MED13: variants seen among roughly 807,000 people sequenced by gnomAD.
MED13 encodes mediator of RNA polymerase II transcription subunit 13.
Under a neutral mutation model 225.2 loss-of-function variants are expected in MED13, and 23 were observed. The ratio of observed to expected loss-of-function variants is 0.10; its 90% CI spans 0.07 to 0.14. The LOEUF is 0.14. Among genes scored for constraint, MED13 ranks in the 10% least tolerant of loss-of-function variants. The probability of loss-of-function intolerance (pLI) is 1.00; values close to 1 mark genes in which losing one functional copy is unlikely to be tolerated. For missense variants in MED13, 2,197 were observed against 2,594.5 expected (o/e 0.85, Z 3.33); for synonymous variants, 942 against 889.2 (o/e 1.06, Z -1.06).
chr17:61,961,859 AC>A, intron 21 of MED13, 80 bp from the exon 22 acceptor site: 1 of 1,298,534 alleles, frequency 7.7e-7, no homozygotes, highest in East Asian at 2.3e-5. Context: ...AACTCTAAAA[AC>A]TTTTTACTAG....
chr17:61,956,284 G>A, intron 24 of MED13, 55 bp downstream of exon 24: 1 of 1,531,436 alleles, frequency 6.5e-7, no homozygotes, highest in Non-Finnish European at 8.9e-7. Context: ...GGTCAGAACT[G>A]TGTGTGAATT....
chr17:62,048,374 C>T (rs2080921556), intron 3 of MED13, among the ~76,000 whole-genome samples: 1 of 127,088 alleles, frequency 7.9e-6, no homozygotes, highest in Admixed American at 9.6e-5. Flanking sequence ...CACTGTACTC[C>T]AGCCTGACAG....
intron 26 of MED13, among the ~76,000 whole-genome samples, chr17:61,953,832 C>T (rs1399595115): frequency 6.6e-6 from 1 of 152,088 alleles, no homozygotes; most frequent in Non-Finnish European, 1.5e-5. Flanking sequence ...TACAGTATTC[C>T]CCCTTATCCA....
intron 12 of MED13, among the ~76,000 whole-genome samples, chr17:61,986,490 A>C (rs530016431): frequency 6.6e-6 from 1 of 152,344 alleles, no homozygotes; most frequent in African/African-American, 2.4e-5. Flanking sequence ...CTTTCTCTGC[A>C]AATGGGTGTT....
At chr17:61,959,844 T>A (rs947643112) in intron 23 of MED13, among the ~76,000 whole-genome samples, 2 of 151,072 alleles carry the variant, frequency 1.3e-5, no homozygotes, top group Non-Finnish European at 2.9e-5. Flanking sequence ...TCCTTCTGCC[T>A]CAGTCTCCCG....
intron 20 of MED13, 101 bp from the exon 21 acceptor site, chr17:61,963,072 G>A: frequency 3.3e-6 from 3 of 898,150 alleles, no homozygotes; most frequent in Middle Eastern, 3.0e-4. Flanking sequence ...CTTTTTTGGT[G>A]AAAGGTGTCA....
At chr17:62,024,702 C>T (rs1276289497) in intron 8 of MED13, among the ~76,000 whole-genome samples, 1 of 152,128 alleles carries the variant, frequency 6.6e-6, no homozygotes, top group African/African-American at 2.4e-5. Context: ...CCAGCCTCCA[C>T]TGGACCCAGT....
At chr17:61,967,556 G>A (rs1416630933) in intron 18 of MED13, among the ~76,000 whole-genome samples, 1 of 152,072 alleles carries the variant, frequency 6.6e-6, no homozygotes, top group Non-Finnish European at 1.5e-5. Context: ...CAATTATTGC[G>A]CCTGGTGATG....
chr17:62,019,492 G>C (rs569304992), intron 8 of MED13, among the ~76,000 whole-genome samples: 1 of 152,202 alleles, frequency 6.6e-6, no homozygotes, highest in South Asian at 2.1e-4. Context: ...ATGCAAGGCA[G>C]TAGGAGAAAT....
chr17:61,992,730 C>T (rs1567964634), intron 10 of MED13, 109 bp from the exon 11 acceptor site: 2 of 685,868 alleles, frequency 2.9e-6, no homozygotes, highest in African/African-American at 2.1e-5. Context: ...GTTTAACATA[C>T]ATTATCACTG....
intron 15 of MED13, 29 bp from the exon 16 acceptor site, chr17:61,983,143 A>AAT (rs540616784): frequency 6.0e-6 from 9 of 1,500,204 alleles, no homozygotes; most frequent in South Asian, 2.6e-5. Context: ...AAGAAGATCA[A>AAT]ATATATATAT....
At chr17:61,951,678 G>A (rs1161966132) in intron 27 of MED13, among the ~76,000 whole-genome samples, 3 of 152,048 alleles carry the variant, frequency 2.0e-5, no homozygotes, top group Admixed American at 6.6e-5. Flanking sequence ...CAACATAAAC[G>A]TATGTGGAAA....
At chr17:62,015,994 G>A (rs1259247512) in intron 8 of MED13, among the ~76,000 whole-genome samples, 3 of 66,950 alleles carry the variant, frequency 4.5e-5, no homozygotes, top group East Asian at 4.0e-4. Context: ...AGTAGAGACC[G>A]GTTTTTGCCA....
At chr17:61,963,457 T>C (rs917276963) in intron 20 of MED13, among the ~76,000 whole-genome samples, 2 of 152,082 alleles carry the variant, frequency 1.3e-5, no homozygotes, top group Admixed American at 6.6e-5. Context: ...ACTCTCTCTC[T>C]CTATATATGT....
chr17:62,037,433 G>A (rs1555642710), intron 3 of MED13, among the ~76,000 whole-genome samples: 1 of 152,088 alleles, frequency 6.6e-6, no homozygotes, highest in Non-Finnish European at 1.5e-5. Flanking sequence ...GGGAGGCTGA[G>A]GTGGGTGGAT....
chr17:61,990,664 C>T (rs1183234013), intron 11 of MED13, among the ~76,000 whole-genome samples: 1 of 147,112 alleles, frequency 6.8e-6, no homozygotes, highest in Admixed American at 6.7e-5. Flanking sequence ...CACTCCCCCC[C>T]AAAACATCAT....
Position 61,972,896 on chromosome 17 carries a change from C to G in MED13, c.3806-8G>C. 7 of 1,562,260 alleles carry G rather than the reference C, an allele frequency of 4.5e-6. No homozygotes were observed. The highest frequency in any genetic ancestry group is 6.0e-6 in the Non-Finnish European group (7 of 1,160,620). On this transcript the variant is annotated splice_polypyrimidine_tract_variant and splice_region_variant and intron_variant, in intron 16 of 29. Coordinates refer to ENST00000397786, the MANE Select transcript of MED13 (RefSeq NM_005121.3). ...AGCACTGCATACTCACATCTACAAGCATTTTAAAAAAAACAAGTAATTAAG... is the reference window on the plus strand; with the variant it reads ...AGCACTGCATACTCACATCTACAAGGATTTTAAAAAAAACAAGTAATTAAG...
intron 8 of MED13, among the ~76,000 whole-genome samples, chr17:62,015,942 A>ATATATT (rs1555639107): frequency 3.0e-4 from 3 of 10,050 alleles, no homozygotes; most frequent in Admixed American, 1.7e-3. Flanking sequence ...ATATATATAT[A>ATATATT]TATATATATA....
chr17:61,990,654 C>A (rs1282868270), intron 11 of MED13, among the ~76,000 whole-genome samples: 5 of 131,944 alleles, frequency 3.8e-5, no homozygotes, highest in Non-Finnish European at 7.7e-5. Flanking sequence ...TATATATACA[C>A]ACTCCCCCCC....
Sources: gnomAD v4.1 joint callset for allele counts (sites outside exome capture counted in the v4.1 genomes callset) on GRCh38, gnomAD v4.1.1 for gene constraint, MANE v1.5 for transcripts, NCBI Gene and HGNC (gene_info 2026-07-23, HGNC 2026-07-21) for gene names.